PRKAR2A: variants seen among roughly 807,000 people sequenced by gnomAD.
PRKAR2A encodes the protein cAMP-dependent protein kinase type II-alpha regulatory subunit.
In PRKAR2A, 29 loss-of-function variants were observed where a neutral mutation model predicts 51.9. The observed-to-expected ratio is 0.56, with a 90% CI of 0.42 to 0.76. The LOEUF (loss-of-function observed/expected upper bound fraction) is 0.76, where lower values mean the gene tolerates loss of function less well. PRKAR2A is among the 30% of genes least tolerant of loss of function. The pLI is 0.00. For synonymous variants in PRKAR2A, 178 were observed against 186.2 expected (o/e 0.96, Z 0.36); for missense variants, 445 against 512.1 (o/e 0.87, Z 1.26).
intron 1 of PRKAR2A, among the ~76,000 whole-genome samples, chr3:48,829,581 T>C (rs1468237516): frequency 9.8e-5 from 5 of 51,214 alleles, no homozygotes; most frequent in African/African-American, 4.0e-4. Context: ...TAAATATATA[T>C]GTGTGTATAT....
chr3:48,803,933 T>C (rs576807343), intron 2 of PRKAR2A, among the ~76,000 whole-genome samples: 1 of 152,098 alleles, frequency 6.6e-6, no homozygotes, highest in South Asian at 2.1e-4. Flanking sequence ...CACTGTACTC[T>C]AGCCTGGGCG....
In PRKAR2A at chr3:48,787,504, A is replaced by T. The variant is rs137997194; in HGVS notation, c.435+3040T>A. Among the ~76,000 whole-genome samples the T allele has an allele frequency of 6.6e-5, 10 of 152,188 alleles. No homozygotes were observed. The East Asian group carries it at 1.9e-3, about 29-fold the overall frequency. ...CCCGTCCAAGTTATAACTTTTCAAC[A>T]CTCAAATGGTATTCTCCAACTCTAA... On this transcript the variant is annotated intron_variant, in intron 4 of 10. Transcript: ENST00000265563.
intron 1 of PRKAR2A, among the ~76,000 whole-genome samples, chr3:48,835,219 C>A (rs1288077743): frequency 6.6e-6 from 1 of 151,844 alleles, no homozygotes; most frequent in Non-Finnish European, 1.5e-5. Flanking sequence ...GATCTGCCTG[C>A]CTCGGCCGCC....
chr3:48,790,651 GA>G lies in PRKAR2A; in HGVS notation c.352-25del, dbSNP rs530832803. On this transcript the variant is annotated intron_variant, in intron 3 of 10. Coordinates refer to ENST00000265563, the MANE Select transcript of PRKAR2A (RefSeq NM_004157.4). Reference sequence around the variant, plus strand: ...ACCTGCCAATCCAAATAAAACCATGGAAACTGTTTTATTCCATTTTAAAATA... The same window carrying G: ...ACCTGCCAATCCAAATAAAACCATGGAACTGTTTTATTCCATTTTAAAATA... 275 of 1,358,954 alleles carry G rather than the reference GA, an allele frequency of 2.0e-4. 5 individuals are homozygous for G. The South Asian group carries it at 4.4e-3, about 22-fold the overall frequency. 84.2% of individuals were successfully genotyped at this position (1,358,954 alleles called of 1,614,324 possible). A position where few individuals can be genotyped will look rare whatever the true frequency, so the allele number is the denominator to read the frequency against.
intron 9 of PRKAR2A, among the ~76,000 whole-genome samples, chr3:48,755,632 G>T (rs1462666847): frequency 6.7e-6 from 1 of 149,758 alleles, no homozygotes; most frequent in Admixed American, 6.7e-5. Flanking sequence ...TTTAAAGACA[G>T]GGTCTTGCTC....
chr3:48,769,089 G>A (rs1439636337), intron 6 of PRKAR2A, among the ~76,000 whole-genome samples: 2 of 151,348 alleles, frequency 1.3e-5, no homozygotes, highest in Non-Finnish European at 2.9e-5. Context: ...GACAGAGCAA[G>A]AGTCCATCTC....
intron 2 of PRKAR2A, among the ~76,000 whole-genome samples, chr3:48,794,524 A>G (rs1359380485): frequency 1.3e-5 from 2 of 151,764 alleles, no homozygotes; most frequent in Non-Finnish European, 2.9e-5. Context: ...GTGAAACCCC[A>G]TCTCTACTAA....
chr3:48,832,210 C>G (rs1436138470), intron 1 of PRKAR2A, among the ~76,000 whole-genome samples: 1 of 150,278 alleles, frequency 6.7e-6, no homozygotes, highest in East Asian at 2.0e-4. Context: ...ACGAGAATCG[C>G]TTGAACCCGG....
At chr3:48,776,174 G>A (rs2082102014) in intron 5 of PRKAR2A, among the ~76,000 whole-genome samples, 1 of 151,888 alleles carries the variant, frequency 6.6e-6, no homozygotes, top group Non-Finnish European at 1.5e-5. Flanking sequence ...AATTGCTAAG[G>A]AAAAAATATT....
chr3:48,788,541 T>C (rs1379137719), intron 4 of PRKAR2A, among the ~76,000 whole-genome samples: 1 of 152,116 alleles, frequency 6.6e-6, no homozygotes, highest in African/African-American at 2.4e-5. Flanking sequence ...AAACAGGAAA[T>C]CTGAAGATTC....
chr3:48,770,834 T>A (rs1194920680), intron 6 of PRKAR2A, among the ~76,000 whole-genome samples: 1 of 152,188 alleles, frequency 6.6e-6, no homozygotes, highest in Admixed American at 6.6e-5. Flanking sequence ...TATGCCCATG[T>A]ATTTAATCCT....
intron 1 of PRKAR2A, among the ~76,000 whole-genome samples, chr3:48,836,419 T>TAACAAAAAAAAAAAAAAAA (rs2083284965): frequency 1.8e-5 from 1 of 56,136 alleles, no homozygotes; most frequent in African/African-American, 9.0e-5. Context: ...AGACTCCGTC[T>TAACAAAAAAAAAAAAAAAA]AAAAAAAAAA....
At chr3:48,787,735 A>G (rs1222268688) in intron 4 of PRKAR2A, among the ~76,000 whole-genome samples, 2 of 152,128 alleles carry the variant, frequency 1.3e-5, no homozygotes, top group Non-Finnish European at 2.9e-5. Context: ...TCAGTCTCAA[A>G]CTAACAAGCT....
chr3:48,801,004 G>A (rs553808213), intron 2 of PRKAR2A, among the ~76,000 whole-genome samples: 11 of 151,896 alleles, frequency 7.2e-5, no homozygotes, highest in Non-Finnish European at 1.2e-4. Flanking sequence ...TGGCTGAGGC[G>A]GACAGTCTCA....
chr3:48,802,289 G>A lies in PRKAR2A; in HGVS notation c.298+5360C>T, dbSNP rs191468977. ...ACTCCCAACCTCAAGTGATCCACTC[G>A]CCTTGGCCTCCCAAAGTGGTGGGAT... On this transcript the variant is annotated intron_variant, in intron 2 of 10. Coordinates refer to ENST00000265563, the MANE Select transcript of PRKAR2A (RefSeq NM_004157.4). Among the ~76,000 whole-genome samples the A allele has an allele frequency of 1.2e-4, 19 of 152,182 alleles. No individual in the cohort carries two copies. In the East Asian group the frequency reaches 2.5e-3, roughly 20 times the overall value.
chr3:48,782,890 C>T, intron 5 of PRKAR2A, 96 bp downstream of exon 5: 1 of 876,124 alleles, frequency 1.1e-6, no homozygotes, highest in Non-Finnish European at 1.8e-6. Context: ...TGGCCCTTAG[C>T]CTCTCTGGGC....
intron 1 of PRKAR2A, among the ~76,000 whole-genome samples, chr3:48,815,726 A>G (rs943656729): frequency 6.8e-5 from 10 of 147,160 alleles, no homozygotes; most frequent in African/African-American, 2.5e-4. Flanking sequence ...AGAAAGAAGA[A>G]GAATGAAAAC....
Position 48,772,987 on chromosome 3 carries a change from C to G in PRKAR2A, c.664G>C (p.Val222Leu), listed in dbSNP as rs1373133879. The G allele has an allele frequency of 6.2e-7, 1 of 1,613,356 alleles. No homozygotes were observed. The highest frequency in any genetic ancestry group is 8.5e-7 in the Non-Finnish European group (1 of 1,179,690). ...MYNTPRAATI[V>L]ATSEGSLWGL... ...CAAAGGGAGCCTTCTGAGGTAGCAA[C>G]AATGGTAGCAGCTCTCGGGGTGTTG... Residue 222 changes from valine (V) to leucine (L), a missense_variant, in exon 6 of 11, where the codon GTT (valine) becomes CTT (leucine). Val to Leu is a conservative substitution (Grantham distance 32, BLOSUM62 1). Transcript: ENST00000265563.
intron 4 of PRKAR2A, 135 bp from the exon 5 acceptor site, chr3:48,783,227 C>T (rs1272478159): frequency 1.6e-6 from 1 of 634,102 alleles, no homozygotes; most frequent in Non-Finnish European, 2.8e-6. Flanking sequence ...TTGTCTGAAA[C>T]AAATGCTTTC....
Sources: allele counts gnomAD v4.1 joint callset (sites outside exome capture counted in the v4.1 genomes callset), GRCh38; gene constraint gnomAD v4.1.1; transcripts MANE v1.5; gene names NCBI Gene and HGNC (gene_info 2026-07-23, HGNC 2026-07-21).